The following TASP1 variants were observed in gnomAD, a reference collection of about 807,000 sequenced individuals.
TASP1 encodes threonine aspartase 1.
A neutral mutation model predicts 56.6 loss-of-function variants in TASP1; 16 were observed. The observed-to-expected ratio is 0.28, with a 90% confidence interval of 0.19 to 0.43. The LOEUF is 0.43. TASP1 is among the 20% of genes least tolerant of loss of function. The pLI is 1.00. For missense variants in TASP1, 393 were observed against 511.6 expected (o/e 0.77, Z 2.24); for synonymous variants, 179 against 184.2 (o/e 0.97, Z 0.23).
chr20:13,220,230 T>G, the TASP1 span, among the ~76,000 whole-genome samples: 2 of 152,160 alleles, frequency 1.3e-5, no homozygotes, highest in Non-Finnish European at 2.9e-5. Context: ...CGTCCGCTAC[T>G]CCGAGTCACT....
At chr20:13,384,425 G>A (rs970242706), downstream of TASP1, among the ~76,000 whole-genome samples, 29 of 152,244 alleles carry the variant, frequency 1.9e-4, no homozygotes, top group Middle Eastern at 3.4e-3. Context: ...TGAGTGTGCC[G>A]CCTTGGAGGG....
rs6042092 is a variant in TASP1, at chr20:13,432,980, G to A, written c.1096+2064C>T. On this transcript the variant is annotated intron_variant, in intron 12 of 13. Transcript: ENST00000337743. ...GTTATTCTTCTGAGGTTTTTTGTTT[G>A]TTTGTTTTACTATACTTTAAGTTCT... is the stretch of plus-strand genomic sequence containing the variant. 1.3e-3 allele frequency among the ~76,000 whole-genome samples: 201 copies of A among 152,082 alleles called. 1 individual carries two copies. Among genetic ancestry groups the A allele is most frequent in the African/African-American group, 4.4e-3 (181 of 41,498 alleles).
At chr20:13,560,628 A>C (rs1246907612) in intron 7 of TASP1, among the ~76,000 whole-genome samples, 2 of 152,192 alleles carry the variant, frequency 1.3e-5, no homozygotes, top group African/African-American at 2.4e-5. Context: ...GGGGGAAAAA[A>C]CAGGGAGAAG....
At chr20:13,444,077 T>G (rs564558756) in intron 11 of TASP1, among the ~76,000 whole-genome samples, 2 of 152,170 alleles carry the variant, frequency 1.3e-5, no homozygotes, top group Admixed American at 1.3e-4. Context: ...TCTGAAAAAT[T>G]AGACACTGGA....
chr20:13,477,468 T>TA lies in TASP1; in HGVS notation c.985+5758dup, dbSNP rs1055323447. ...TATTTAGTAATAAACAGAAACCAAC[T>TA]AAAAAAAAATGTACCATGATATTAG... is the stretch of plus-strand genomic sequence containing the variant. On this transcript the variant is annotated intron_variant, in intron 11 of 13. Transcript: ENST00000337743. Among the ~76,000 whole-genome samples the TA allele has an allele frequency of 4.7e-5, 7 of 150,470 alleles. No homozygotes were observed. In the East Asian group the frequency reaches 7.8e-4, roughly 17 times the overall value.
intron 5 of TASP1, among the ~76,000 whole-genome samples, chr20:13,585,774 G>C (rs1230914987): frequency 6.6e-6 from 1 of 152,084 alleles, no homozygotes; most frequent in Non-Finnish European, 1.5e-5. Context: ...AGTATAAACT[G>C]CAACAATTAC....
At chr20:13,217,206 C>T in the TASP1 span, among the ~76,000 whole-genome samples, 3 of 152,228 alleles carry the variant, frequency 2.0e-5, no homozygotes, top group South Asian at 6.2e-4. Context: ...CATGAATTTG[C>T]TTAAAATAAT....
chr20:13,555,444 T>A (rs2046124542), intron 8 of TASP1, among the ~76,000 whole-genome samples: 1 of 150,440 alleles, frequency 6.6e-6, no homozygotes, highest in Admixed American at 6.6e-5. Flanking sequence ...ACTTTCAGCA[T>A]CTTCATCCAG....
chr20:13,634,365 G>A (rs74178051), intron 1 of TASP1, among the ~76,000 whole-genome samples: 9 of 152,316 alleles, frequency 5.9e-5, no homozygotes, highest in Admixed American at 4.6e-4. Flanking sequence ...TGATTGCTTA[G>A]AGCTGGAGGG....
the TASP1 span, among the ~76,000 whole-genome samples, chr20:13,181,996 G>T: frequency 6.6e-6 from 1 of 152,156 alleles, no homozygotes; most frequent in African/African-American, 2.4e-5. Context: ...AGTGGGAATT[G>T]TGGCAAAGAG....
At chr20:13,110,152 C>T in the TASP1 span, 3 of 1,613,648 alleles carry the variant, frequency 1.9e-6, no homozygotes, top group East Asian at 4.5e-5. Context: ...ATGCTGTCAT[C>T]TATGGCCAGC....
At chr20:13,509,712 A>G (rs1470512445) in intron 10 of TASP1, among the ~76,000 whole-genome samples, 2 of 151,988 alleles carry the variant, frequency 1.3e-5, no homozygotes, top group African/African-American at 4.8e-5. Context: ...CGCAACTTCC[A>G]CCTTCCTGGG....
At chr20:13,562,404 G>A (rs1288180308) in intron 7 of TASP1, among the ~76,000 whole-genome samples, 1 of 151,590 alleles carries the variant, frequency 6.6e-6, no homozygotes, top group African/African-American at 2.4e-5. Context: ...AGATCAGAGT[G>A]GAGATAAATA....
the TASP1 span, among the ~76,000 whole-genome samples, chr20:13,196,133 T>C: frequency 6.6e-6 from 1 of 152,208 alleles, no homozygotes; most frequent in African/African-American, 2.4e-5. Context: ...CATTATCTTT[T>C]TTCCTAAGTT....
the TASP1 span, among the ~76,000 whole-genome samples, chr20:13,310,091 T>C: frequency 0.15 from 23,156 of 152,026 alleles, 1,810 homozygotes; most frequent in East Asian, 0.19. Flanking sequence ...AAAAAACAAT[T>C]CCAAAATTCA....
At chr20:13,527,001 C>G (rs1423311127) in intron 10 of TASP1, among the ~76,000 whole-genome samples, 2 of 152,076 alleles carry the variant, frequency 1.3e-5, no homozygotes, top group Admixed American at 6.6e-5. Context: ...AAAGTAGATA[C>G]AGACATGGAA....
At chr20:13,150,208 T>G in the TASP1 span, among the ~76,000 whole-genome samples, 1 of 152,210 alleles carries the variant, frequency 6.6e-6, no homozygotes, top group Non-Finnish European at 1.5e-5. Flanking sequence ...TTTCAATGTA[T>G]GGGTGATTTT....
chr20:13,447,290 A>G (rs1162350344), intron 11 of TASP1, among the ~76,000 whole-genome samples: 1 of 152,178 alleles, frequency 6.6e-6, no homozygotes, highest in African/African-American at 2.4e-5. Flanking sequence ...ATTTATGAAT[A>G]AGGTAATTAC....
rs182639128 is a variant in TASP1 at position 13,618,302 on chromosome 20, A to G, written c.282+5144T>C. On this transcript the variant is annotated intron_variant, in intron 4 of 13. Transcript: ENST00000337743. The stretch of plus-strand genomic sequence containing the variant: ...GTGGCGCACGCCTGTAGTCCCAACT[A>G]CTCAGGAGGCTGAGGCATGAGAATC... Among the ~76,000 whole-genome samples the G allele has an allele frequency of 2.0e-5, 3 of 152,160 alleles. No homozygotes were observed. The East Asian group carries it at 5.8e-4, about 29-fold the overall frequency.
Sources: gnomAD v4.1 joint callset for allele counts (sites outside exome capture counted in the v4.1 genomes callset) on GRCh38, gnomAD v4.1.1 for gene constraint, MANE v1.5 for transcripts, NCBI Gene and HGNC (gene_info 2026-07-23, HGNC 2026-07-21) for gene names.